MYT1L: variants seen among roughly 807,000 people sequenced by gnomAD.
MYT1L encodes myelin transcription factor 1 like.
A neutral mutation model predicts 126.7 loss-of-function variants in MYT1L; 12 were observed. That is an observed-to-expected ratio of 0.09 (90% CI 0.06 to 0.15). MYT1L has a LOEUF of 0.15. Ranked by LOEUF, MYT1L falls within the 10% of genes least tolerant of loss-of-function variation. MYT1L has a pLI of 1.00. For missense variants in MYT1L, 979 were observed against 1,585.2 expected (o/e 0.62, Z 6.49); for synonymous variants, 541 against 604.2 (o/e 0.90, Z 1.53).
intron 21 of MYT1L, among the ~76,000 whole-genome samples, chr2:1,831,498 G>A (rs1572652773): frequency 6.6e-6 from 1 of 152,222 alleles, no homozygotes; most frequent in Non-Finnish European, 1.5e-5. Context: ...TGCATTTCTA[G>A]AACCATTAGT....
intron 8 of MYT1L, among the ~76,000 whole-genome samples, chr2:1,949,227 G>A (rs780820900): frequency 2.6e-5 from 4 of 152,202 alleles, no homozygotes; most frequent in African/African-American, 9.6e-5. Flanking sequence ...AGCAGCCAGC[G>A]ACAGGAGTGG....
chr2:1,876,267 G>A (rs986834921), intron 18 of MYT1L, among the ~76,000 whole-genome samples: 5 of 152,180 alleles, frequency 3.3e-5, no homozygotes, highest in Non-Finnish European at 4.4e-5. Context: ...GACTCAGGGC[G>A]TGGGCCTGAG....
chr2:1,804,994 AGCCAAGGT>A (rs2035471335), intron 22 of MYT1L, among the ~76,000 whole-genome samples: 1 of 152,160 alleles, frequency 6.6e-6, no homozygotes, highest in Admixed American at 6.5e-5. Context: ...GTACAACTTC[AGCCAAGGT>A]GCCAAGGTGC....
chr2:1,971,293 T>C (rs1286068032), intron 8 of MYT1L, among the ~76,000 whole-genome samples: 1 of 152,216 alleles, frequency 6.6e-6, no homozygotes, highest in African/African-American at 2.4e-5. Flanking sequence ...ACACAGGCCA[T>C]GCCCAGAGGT....
intron 1 of MYT1L, among the ~76,000 whole-genome samples, chr2:2,328,889 GC>G (rs2096268017): frequency 6.6e-6 from 1 of 152,178 alleles, no homozygotes; most frequent in South Asian, 2.1e-4. Context: ...AGATATCTTT[GC>G]TGCCACCATC....
intron 2 of MYT1L, among the ~76,000 whole-genome samples, chr2:2,220,328 T>C (rs904397756): frequency 6.6e-6 from 1 of 152,058 alleles, no homozygotes; most frequent in African/African-American, 2.4e-5. Flanking sequence ...GGGGGTTTGG[T>C]GGGGGTCCTT....
chr2:2,111,762 G>T (rs1317643020), intron 3 of MYT1L, among the ~76,000 whole-genome samples: 2 of 152,192 alleles, frequency 1.3e-5, no homozygotes, highest in Non-Finnish European at 1.5e-5. Flanking sequence ...CTCAAAACGT[G>T]CAGGAAAAAA....
chr2:1,846,879 G>A lies in MYT1L; in HGVS notation c.2774+4762C>T, dbSNP rs376538180. ...CCCCCTGGTGAGGAGCCACCTCTCC[G>A]GATTTTGGCAGCGGGACCTGAGACT... On this transcript the variant is annotated intron_variant, in intron 19 of 24. Coordinates refer to ENST00000647738, the MANE Select transcript of MYT1L (RefSeq NM_001303052.2). Among the ~76,000 whole-genome samples the A allele has an allele frequency of 3.3e-5, 5 of 152,190 alleles. No homozygotes were observed. In the East Asian group the frequency reaches 5.8e-4, roughly 18 times the overall value.
chr2:2,205,392 C>T (rs992035241), intron 2 of MYT1L, among the ~76,000 whole-genome samples: 21 of 152,006 alleles, frequency 1.4e-4, no homozygotes, highest in African/African-American at 5.1e-4. Flanking sequence ...TCTTAAAATG[C>T]CCACTGGTCC....
At chr2:1,856,606 C>T (rs981093261) in intron 18 of MYT1L, among the ~76,000 whole-genome samples, 6 of 152,132 alleles carry the variant, frequency 3.9e-5, no homozygotes, top group Admixed American at 1.3e-4. Context: ...CTGTGTCTAC[C>T]GACTGAGGCT....
intron 3 of MYT1L, among the ~76,000 whole-genome samples, chr2:2,075,439 G>A (rs1198696942): frequency 1.3e-5 from 2 of 152,152 alleles, no homozygotes; most frequent in Non-Finnish European, 2.9e-5. Flanking sequence ...TGCCATCTGA[G>A]GCTGTAGAAG....
At chr2:1,881,998 C>T (rs753983717) in intron 18 of MYT1L, among the ~76,000 whole-genome samples, 5 of 152,138 alleles carry the variant, frequency 3.3e-5, no homozygotes, top group Admixed American at 6.5e-5. Context: ...TCCTTGCAGT[C>T]GATTGTCTCT....
chr2:1,979,438 G>T lies in MYT1L; in HGVS notation c.89+83C>A. 2.9e-6 allele frequency: 4 copies of T among 1,357,938 alleles called. No individual in the cohort carries two copies. The highest frequency in any genetic ancestry group is 4.2e-6 in the Non-Finnish European group (4 of 946,990). 84.1% of individuals were successfully genotyped at this position (1,357,938 alleles called of 1,614,324 possible). A position where few individuals can be genotyped will look rare whatever the true frequency, so the allele number is the denominator to read the frequency against. ...CAGGGCGTGAGCAAGCTGCCGATGAGCTGGAAGGTGCAGTGTGCCCATTAG... is the reference window on the plus strand; with the variant it reads ...CAGGGCGTGAGCAAGCTGCCGATGATCTGGAAGGTGCAGTGTGCCCATTAG... On this transcript the variant is annotated intron_variant, in intron 7 of 24. Coordinates refer to ENST00000647738, the MANE Select transcript of MYT1L (RefSeq NM_001303052.2). The surrounding 1 kb of genome is among the most constrained non-coding windows in gnomAD (Gnocchi z 4.0).
At chr2:2,187,016 C>T (rs949961889) in intron 2 of MYT1L, among the ~76,000 whole-genome samples, 2 of 152,138 alleles carry the variant, frequency 1.3e-5, no homozygotes, top group East Asian at 3.8e-4. Context: ...AAGGTATGAT[C>T]GAAACTTGGC....
chr2:2,147,814 C>T (rs762670817), intron 3 of MYT1L, among the ~76,000 whole-genome samples: 2 of 152,178 alleles, frequency 1.3e-5, no homozygotes, highest in Non-Finnish European at 2.9e-5. Flanking sequence ...CTGGGAGCCC[C>T]GCAGCAGACG....
intron 3 of MYT1L, among the ~76,000 whole-genome samples, chr2:2,061,827 C>T (rs2070549077): frequency 6.6e-6 from 1 of 152,154 alleles, no homozygotes; most frequent in South Asian, 2.1e-4. Flanking sequence ...TGTGTGTTCT[C>T]ATCAACCTCA....
chr2:2,140,432 CT>C (rs35297300), intron 3 of MYT1L, among the ~76,000 whole-genome samples: 17,121 of 112,990 alleles, frequency 0.15, 531 homozygotes, highest in African/African-American at 0.2. Context: ...CTTTCTTTTT[CT>C]TTTTTTTTTT....
chr2:2,178,821 T>C (rs116675706), intron 2 of MYT1L, among the ~76,000 whole-genome samples: 1,600 of 152,134 alleles, frequency 0.011, 36 homozygotes, highest in African/African-American at 0.036. Context: ...AAAAGAGAAG[T>C]GAGCAGAAGG....
intron 3 of MYT1L, among the ~76,000 whole-genome samples, chr2:2,069,402 T>C (rs2074310645): frequency 6.6e-6 from 1 of 152,186 alleles, no homozygotes; most frequent in Non-Finnish European, 1.5e-5. Flanking sequence ...GGACATGAAC[T>C]CATCCTTTTT....
Sources: gnomAD v4.1 joint callset for allele counts (sites outside exome capture counted in the v4.1 genomes callset) on GRCh38, gnomAD v4.1.1 for gene constraint, Gnocchi (gnomAD v3.1) non-coding constraint, MANE v1.5 for transcripts, NCBI Gene and HGNC (gene_info 2026-07-23, HGNC 2026-07-21) for gene names.